FGF1: variants seen among roughly 807,000 people sequenced by gnomAD.
The protein encoded by FGF1 is beta-endothelial cell growth factor.
FGF1 carries 9 observed loss-of-function variants against 13.4 expected under a neutral mutation model. That is an observed-to-expected ratio of 0.67 (90% CI 0.40 to 1.17). The LOEUF (loss-of-function observed/expected upper bound fraction) is 1.17. Among genes scored for constraint, FGF1 ranks in the 50% most tolerant of loss-of-function variants. The pLI, the probability that FGF1 is intolerant of heterozygous loss-of-function variation, is 0.01. For missense variants in FGF1, 156 were observed against 192.7 expected (o/e 0.81, Z 1.13); for synonymous variants, 93 against 79.0 (o/e 1.18, Z -0.94).
At chr5:142,689,466 C>T (rs189416225), upstream of FGF1, among the ~76,000 whole-genome samples, 533 of 152,268 alleles carry the variant, frequency 3.5e-3, 2 homozygotes, top group Non-Finnish European at 6.4e-3. Context: ...ACAAACATCA[C>T]CAGAACTGCA....
chr5:142,696,364 C>T (rs1753110241), intron 2 of FGF1, among the ~76,000 whole-genome samples: 1 of 152,196 alleles, frequency 6.6e-6, no homozygotes, highest in African/African-American at 2.4e-5. Context: ...GATGAGAACT[C>T]TGATCATTTC....
intron 1 of FGF1, among the ~76,000 whole-genome samples, chr5:142,660,448 C>G (rs1769006132): frequency 6.6e-6 from 1 of 152,250 alleles, no homozygotes; most frequent in African/African-American, 2.4e-5. Flanking sequence ...CTGGCCAGCT[C>G]TTGTTGGCTG....
chr5:142,625,489 G>GA (rs1762311040), intron 1 of FGF1, among the ~76,000 whole-genome samples: 2 of 152,284 alleles, frequency 1.3e-5, no homozygotes, highest in African/African-American at 4.8e-5. Context: ...AGTGCTTAGA[G>GA]AAAACAGTAT....
chr5:142,686,829 T>C (rs942216794), upstream of FGF1, among the ~76,000 whole-genome samples: 10 of 152,140 alleles, frequency 6.6e-5, no homozygotes, highest in African/African-American at 2.4e-4. Flanking sequence ...TTCAAGCCTG[T>C]CCCCGTTGGA....
intron 1 of FGF1, among the ~76,000 whole-genome samples, chr5:142,615,233 TTCTCCTGAGACGGAG>T (rs965832688): frequency 5.9e-5 from 9 of 152,112 alleles, no homozygotes; most frequent in Admixed American, 5.9e-4. Context: ...TTTTTTTTTT[TTCTCCTGAGACGGAG>T]TCTCTGTAGC....
At chr5:142,603,801 G>A (rs1015096754) in intron 2 of FGF1, among the ~76,000 whole-genome samples, 2 of 152,172 alleles carry the variant, frequency 1.3e-5, no homozygotes, top group African/African-American at 2.4e-5. Flanking sequence ...AGGCTGCATA[G>A]CCTCTTAGAC....
chr5:142,651,376 C>G (rs1433908654), intron 1 of FGF1, among the ~76,000 whole-genome samples: 1 of 152,134 alleles, frequency 6.6e-6, no homozygotes, highest in Non-Finnish European at 1.5e-5. Context: ...GTTTCAGGTT[C>G]CAGCAAAACC....
At chr5:142,653,210 G>C (rs1228951658) in intron 1 of FGF1, among the ~76,000 whole-genome samples, 2 of 152,032 alleles carry the variant, frequency 1.3e-5, no homozygotes, top group Non-Finnish European at 2.9e-5. Flanking sequence ...AGACACATCC[G>C]ACCTGAGCCA....
chr5:142,650,698 T>C (rs1767074909), intron 1 of FGF1, among the ~76,000 whole-genome samples: 1 of 152,074 alleles, frequency 6.6e-6, no homozygotes, highest in African/African-American at 2.4e-5. Context: ...ACACTATGTA[T>C]ACTGTGGTCT....
intron 1 of FGF1, among the ~76,000 whole-genome samples, chr5:142,618,929 G>GTTTTTTTTTTT (rs869093279): frequency 1.3e-4 from 8 of 61,248 alleles, no homozygotes; most frequent in Admixed American, 2.0e-4. Context: ...TAGTTGTTTT[G>GTTTTTTTTTTT]TTTTTTTTTT....
At chr5:142,621,350 C>CTG (rs1012937722) in intron 1 of FGF1, 2 of 125,546 alleles carry the variant, frequency 1.6e-5, no homozygotes, top group African/African-American at 6.9e-5. Flanking sequence ...TTCTCTCTCT[C>CTG]TTTTTCTCTT....
rs750276717 is a variant in FGF1 at position 142,695,380 on chromosome 5, G to A, written c.-35+2242C>T. ...TCACCTGAGGTCAGGAGGTCAGTTC[G>A]AGACCAGCCTGGCCAACATGGCAAA... On this transcript the variant is annotated intron_variant, in intron 2 of 4. Transcript: ENST00000407758. 6.6e-5 allele frequency among the ~76,000 whole-genome samples: 10 copies of A among 152,042 alleles called. 1 individual carries two copies. The South Asian group carries it at 1.5e-3, about 22-fold the overall frequency.
chr5:142,596,581 AT>A (rs1248236555), intron 3 of FGF1, among the ~76,000 whole-genome samples: 1,607 of 121,870 alleles, frequency 0.013, 30 homozygotes, highest in African/African-American at 0.045. Context: ...ATTCTCTACA[AT>A]TTTTTTTTTT....
At chr5:142,678,095 CAGG>C (rs985849592) in intron 1 of FGF1, among the ~76,000 whole-genome samples, 9 of 152,088 alleles carry the variant, frequency 5.9e-5, no homozygotes, top group African/African-American at 2.2e-4. Flanking sequence ...GAGGAGCAGA[CAGG>C]AGGCCAGGGC....
intron 1 of FGF1, among the ~76,000 whole-genome samples, chr5:142,657,248 AAAC>A (rs1768329056): frequency 6.6e-6 from 1 of 152,160 alleles, no homozygotes. Flanking sequence ...GTAAAGGAAA[AAAC>A]AACAACTTTT....
chr5:142,643,637 T>G (rs932638101), intron 1 of FGF1, among the ~76,000 whole-genome samples: 3 of 152,212 alleles, frequency 2.0e-5, no homozygotes, highest in Non-Finnish European at 4.4e-5. Context: ...AGTTTCAAAA[T>G]TGTACCCATG....
chr5:142,634,680 A>G (rs192650193), intron 1 of FGF1, among the ~76,000 whole-genome samples: 1 of 152,302 alleles, frequency 6.6e-6, no homozygotes, highest in East Asian at 1.9e-4. Context: ...CTTACCACAA[A>G]TAGTATTATT....
intron 1 of FGF1, among the ~76,000 whole-genome samples, chr5:142,643,337 A>T (rs969422073): frequency 3.9e-5 from 6 of 152,220 alleles, no homozygotes; most frequent in African/African-American, 1.4e-4. Flanking sequence ...ATATGACAAA[A>T]GCCATTCCTG....
At chr5:142,599,195 T>A (rs567250831) in intron 3 of FGF1, among the ~76,000 whole-genome samples, 1 of 152,246 alleles carries the variant, frequency 6.6e-6, no homozygotes, top group African/African-American at 2.4e-5. Flanking sequence ...GACTAAGCGA[T>A]TGACTGATGG....
Sources: gnomAD v4.1 joint callset for allele counts (sites outside exome capture counted in the v4.1 genomes callset) on GRCh38, gnomAD v4.1.1 for gene constraint, MANE v1.5 for transcripts, NCBI Gene and HGNC (gene_info 2026-07-23, HGNC 2026-07-21) for gene names.